Variants in RANBP1 observed in about 807,000 individuals in gnomAD.
RANBP1 encodes the protein ran-specific GTPase-activating protein.
Under a neutral mutation model 31.4 loss-of-function variants are expected in RANBP1, and 16 were observed. The ratio of observed to expected loss-of-function variants is 0.51; its 90% CI spans 0.34 to 0.77. The LOEUF (loss-of-function observed/expected upper bound fraction) is 0.77. Ranked by LOEUF, RANBP1 falls within the 30% of genes least tolerant of loss-of-function variation. The pLI is 0.01. For synonymous variants in RANBP1, 129 were observed against 140.5 expected, an observed-to-expected ratio of 0.92 and a Z score of 0.58; for missense variants, 265 against 362.0, an observed-to-expected ratio of 0.73 and a Z score of 2.17.
intron 2 of RANBP1, among the ~76,000 whole-genome samples, chr22:20,121,058 A>G (rs1401883964): frequency 6.6e-6 from 1 of 151,812 alleles, no homozygotes; most frequent in Non-Finnish European, 1.5e-5. Flanking sequence ...GGTTCAAGCA[A>G]TTTTCCTGCC....
intron 1 of RANBP1, chr22:20,117,501 C>A: frequency 8.3e-7 from 1 of 1,205,818 alleles, no homozygotes. Context: ...GGTCAGGGGT[C>A]GAGGTTCGGG....
At chr22:20,122,224 C>T (rs1602541720) in intron 2 of RANBP1, 40 bp from the exon 3 acceptor site, 4 of 1,599,134 alleles carry the variant, frequency 2.5e-6, no homozygotes, top group Non-Finnish European at 3.4e-6. Flanking sequence ...TGCATGTGGG[C>T]TGCAGGTCTG....
intron 3 of RANBP1, 126 bp from the exon 4 acceptor site, chr22:20,125,182 C>T: frequency 9.2e-7 from 1 of 1,082,864 alleles, no homozygotes; most frequent in Non-Finnish European, 1.4e-6. Flanking sequence ...TCTCCAACCC[C>T]AGACTGTCCC....
chr22:20,125,888 T>C (rs1423067098), intron 4 of RANBP1, among the ~76,000 whole-genome samples: 1 of 152,266 alleles, frequency 6.6e-6, no homozygotes, highest in Non-Finnish European at 1.5e-5. Context: ...TCTTCCCTGC[T>C]CAGAGGTCTT....
At chr22:20,126,577 T>C (rs1217945000) in intron 5 of RANBP1, 12 of 1,545,764 alleles carry the variant, frequency 7.8e-6, no homozygotes, top group Non-Finnish European at 1.0e-5. Flanking sequence ...CTCAGTCCAA[T>C]TGGGCAGGCA....
intron 3 of RANBP1, 64 bp from the exon 4 acceptor site, chr22:20,125,244 C>G: frequency 4.4e-6 from 7 of 1,598,100 alleles, no homozygotes; most frequent in Non-Finnish European, 6.0e-6. Context: ...GCTCTGTGGC[C>G]GAGGGCTGGG....
At chr22:20,116,692 C>A in intron 1 of RANBP1, 3 of 1,479,562 alleles carry the variant, frequency 2.0e-6, no homozygotes, top group East Asian at 2.4e-5. Flanking sequence ...ATGGGACACC[C>A]AGACCTCCGT....
intron 1 of RANBP1, chr22:20,117,645 C>T: frequency 8.0e-7 from 1 of 1,247,162 alleles, no homozygotes; most frequent in Non-Finnish European, 1.0e-6. Context: ...CGCCGCCGCG[C>T]CCCCATGGCG....
chr22:20,117,028 C>G lies in RANBP1; in HGVS notation c.246+598C>G, dbSNP rs916608159. The G allele has an allele frequency of 9.7e-6, 13 of 1,344,028 alleles. No homozygotes were observed. In the African/African-American group the frequency reaches 1.2e-4, roughly 12 times the overall value. 83.3% of individuals were successfully genotyped at this position (1,344,028 alleles called of 1,614,324 possible). On this transcript the variant is annotated intron_variant, in intron 1 of 5. Coordinates refer to ENST00000430524, the MANE Select transcript of RANBP1 (RefSeq NM_001278639.2). The stretch of plus-strand genomic sequence containing the variant: ...GAAGTGCTCAGAGGGGAGGTGCTCA[C>G]AGAGCCGGTGCAACGCCGCGAGGTC...
intron 1 of RANBP1, chr22:20,117,537 G>A: frequency 1.5e-6 from 2 of 1,372,568 alleles, no homozygotes; most frequent in Non-Finnish European, 9.4e-7. Flanking sequence ...AAGAGCGGGC[G>A]GGCGGGAGGC....
chr22:20,119,448 TGGTTG>T lies in RANBP1; in HGVS notation c.383+300_383+304del, dbSNP rs2050127692. On this transcript the variant is annotated intron_variant, in intron 2 of 5. Coordinates refer to ENST00000430524, the MANE Select transcript of RANBP1 (RefSeq NM_001278639.2). ...GCTTCTGAGGATCCAGGGAGTCCCTTGGTTGAGCAGGGGGTTTTAAGTTTTTGCAG... is the reference window on the plus strand; with the variant it reads ...GCTTCTGAGGATCCAGGGAGTCCCTTAGCAGGGGGTTTTAAGTTTTTGCAG... 5 of 367,960 alleles carry T rather than the reference TGGTTG, an allele frequency of 1.4e-5. No individual in the cohort carries two copies. The East Asian group carries it at 2.8e-4, about 20-fold the overall frequency. The allele number at this position is 367,960 out of a possible 1,614,324, so 22.8% of individuals were successfully genotyped here.
chr22:20,118,076 T>C (rs1177978880), intron 1 of RANBP1: 82 of 998,020 alleles, frequency 8.2e-5, no homozygotes, highest in Non-Finnish European at 9.5e-5. Context: ...GGTTCTTACG[T>C]CTGGAACCGC....
intron 2 of RANBP1, among the ~76,000 whole-genome samples, chr22:20,120,886 T>C (rs1385519597): frequency 6.6e-6 from 1 of 152,204 alleles, no homozygotes; most frequent in Admixed American, 6.5e-5. Flanking sequence ...TTCCTGGTGG[T>C]GTCGTGACAG....
chr22:20,126,346 G>A lies in RANBP1; in HGVS notation c.714G>A (p.Glu238=). The A allele has an allele frequency of 6.2e-7, 1 of 1,614,026 alleles. No individual in the cohort carries two copies. Among genetic ancestry groups the A allele is most frequent in the Non-Finnish European group, 8.5e-7 (1 of 1,180,020 alleles). ...CAAAGTTTGAAGAATGCAGGAAAGA[G>A]ATCGAAGAGAGAGAAAAGAAAGGTG... The part of the protein sequence containing the change: ...FKTKFEECRK[E]IEEREKKAGS... The change falls in exon 5 of 6, where the codon GAG becomes GAA. Residue 238 remains glutamate, a synonymous_variant. Coordinates refer to ENST00000430524, the MANE Select transcript of RANBP1 (RefSeq NM_001278639.2).
rs1374077162 is a variant in RANBP1 at position 20,119,051 on chromosome 22, A to C, written c.285A>C (p.Thr95=). Residue 95 remains threonine (T), a synonymous_variant, in exon 2 of 6, where the codon ACA becomes ACC. Coordinates refer to ENST00000430524, the MANE Select transcript of RANBP1 (RefSeq NM_001278639.2). Reference sequence around the variant, plus strand: ...ACCATGATACTTCCACTGAGAATACAGACGAGTCCAACCATGACCCTCAGT... The same window carrying C: ...ACCATGATACTTCCACTGAGAATACCGACGAGTCCAACCATGACCCTCAGT... ...HEDHDTSTEN[T]DESNHDPQFE... The C allele has an allele frequency of 6.2e-7, 1 of 1,613,322 alleles. No homozygotes were observed. Among genetic ancestry groups the C allele is most frequent in the African/African-American group, 1.3e-5 (1 of 75,052 alleles).
chr22:20,126,465 A>G (rs1321445930), intron 5 of RANBP1, 97 bp downstream of exon 5: 6 of 1,606,270 alleles, frequency 3.7e-6, no homozygotes, highest in Admixed American at 3.4e-5. Context: ...CCAGATAAAC[A>G]TTCCAGGGTG....
At chr22:20,116,761 C>A in intron 1 of RANBP1, 3 of 1,430,042 alleles carry the variant, frequency 2.1e-6, no homozygotes, top group Middle Eastern at 1.9e-4. Context: ...ACCCCATTCC[C>A]GTCTCCTTTC....
At chr22:20,118,294 C>T in intron 1 of RANBP1, 9 of 1,002,394 alleles carry the variant, frequency 9.0e-6, no homozygotes, top group Non-Finnish European at 1.1e-5. Context: ...GGGTCTCTTA[C>T]GGACTTCTGG....
rs750589544 is a variant in RANBP1 at position 20,116,147 on chromosome 22, G to A, written c.-38G>A. 38 of 1,612,902 alleles carry A rather than the reference G, an allele frequency of 2.4e-5. No homozygotes were observed. Among genetic ancestry groups the A allele is most frequent in the Non-Finnish European group, 3.1e-5 (36 of 1,179,816 alleles). ...ACCACGTCGGCCACTCGTGTTACTG[G>A]TGGCTCACTCTCACCCTCCTGTCGC... On this transcript the variant is annotated 5_prime_UTR_variant, in exon 1 of 6. In the 5' UTR this introduces an upstream ATG that the reference lacks. Coordinates refer to ENST00000430524, the MANE Select transcript of RANBP1 (RefSeq NM_001278639.2).
Sources: gnomAD v4.1 joint callset for allele counts (sites outside exome capture counted in the v4.1 genomes callset) on GRCh38, gnomAD v4.1.1 for gene constraint, MANE v1.5 for transcripts, NCBI Gene and HGNC (gene_info 2026-07-23, HGNC 2026-07-21) for gene names.